LRIG2: variants seen among roughly 807,000 people sequenced by gnomAD.
LRIG2 encodes leucine-rich repeats and immunoglobulin-like domains protein 2.
LRIG2 carries 93 observed loss-of-function variants against 107.8 expected under a neutral mutation model. The ratio of observed to expected loss-of-function variants is 0.86; its 90% confidence interval spans 0.73 to 1.03. LRIG2 has a LOEUF of 1.03. LRIG2 is among the 50% of genes least tolerant of loss of function. The pLI, the probability that LRIG2 is intolerant of heterozygous loss-of-function variation, is 0.00. For missense variants in LRIG2, 1,226 were observed against 1,296.0 expected, an observed-to-expected ratio of 0.95 and a Z score of 0.83; for synonymous variants, 471 against 470.6, an observed-to-expected ratio of 1.00 and a Z score of -0.01.
At chr1:113,100,348 G>A in intron 10 of LRIG2, 66 bp downstream of exon 10, 1 of 1,455,114 alleles carries the variant, frequency 6.9e-7, no homozygotes, top group Non-Finnish European at 9.6e-7. Flanking sequence ...AGGTTTTCAT[G>A]ACCATGTAAA....
rs143320455 is a variant in LRIG2 at position 113,091,459 on chromosome 1, T to C, written c.305+76T>C. 3.8e-3 allele frequency: 3,471 copies of C among 902,846 alleles called. 87 individuals carry two copies. The highest frequency in any genetic ancestry group is 5.4e-4 in the Non-Finnish European group (318 of 592,630). 55.9% of individuals were successfully genotyped at this position (902,846 alleles called of 1,614,324 possible). On this transcript the variant is annotated intron_variant, in intron 2 of 17. Transcript: ENST00000361127. The stretch of plus-strand genomic sequence containing the variant: ...AATAAATTGTGATTTGTGGGATGTT[T>C]AATCCAGAGATGCCATAAAAAAATT...
At chr1:113,102,111 T>G (rs1654330998) in intron 11 of LRIG2, among the ~76,000 whole-genome samples, 1 of 152,190 alleles carries the variant, frequency 6.6e-6, no homozygotes, top group South Asian at 2.1e-4. Flanking sequence ...GCAAACCATG[T>G]GAACACTGGG....
chr1:113,085,976 A>G (rs552930313), intron 1 of LRIG2, among the ~76,000 whole-genome samples: 3 of 148,518 alleles, frequency 2.0e-5, no homozygotes, highest in Non-Finnish European at 4.5e-5. Context: ...CAATATGGTA[A>G]TTGATTATAA....
At chr1:113,075,597 A>C (rs1036512377) in intron 1 of LRIG2, among the ~76,000 whole-genome samples, 2 of 151,858 alleles carry the variant, frequency 1.3e-5, no homozygotes, top group African/African-American at 4.8e-5. Context: ...TTTCTAAGAC[A>C]TTCTTGGAAG....
Position 113,119,273 on chromosome 1 carries a change from C to CA in LRIG2, c.2723dup (p.Asn908LysfsTer19). 18 of 1,614,064 alleles carry CA rather than the reference C, an allele frequency of 1.1e-5. No individual in the cohort carries two copies. The highest frequency in any genetic ancestry group is 1.5e-5 in the Non-Finnish European group (18 of 1,179,978). On this transcript the variant is annotated frameshift_variant, in exon 17 of 18. Coordinates refer to ENST00000361127, the MANE Select transcript of LRIG2 (RefSeq NM_014813.3). LOFTEE classifies it high-confidence loss of function. ...GGGTGATTTGCTCAGATTGTTATGA[C>CA]AATGCCAACATCTACTCCAGGACCC... is the stretch of plus-strand genomic sequence containing the variant.
In LRIG2 at chr1:113,114,801, G is replaced by C. The variant is rs754243468; in HGVS notation, c.2455G>C (p.Gly819Arg). Residue 819 changes from glycine to arginine, a missense_variant, in exon 15 of 18, where the codon GGC (glycine) becomes CGC (arginine). This residue lies in a region of LRIG2 where 642 missense variants were observed against 712.2 expected (regional missense o/e 0.90). Coordinates refer to ENST00000361127, the MANE Select transcript of LRIG2 (RefSeq NM_014813.3). ...CATTGTTGTGGTCTGCTGTGTTGTT[G>C]GCACTTCTTTGATCTGGGTCATTGT... ...VIIVVVCCVV[G>R]TSLIWVIVIY... 12 of 1,614,062 alleles carry C rather than the reference G, an allele frequency of 7.4e-6. No homozygotes were observed. In the Admixed American group the frequency reaches 1.5e-4, roughly 20 times the overall value.
rs770298704 is a variant in LRIG2, at chr1:113,096,248, G to A, written c.974G>A (p.Arg325His). 1.4e-5 allele frequency: 23 copies of A among 1,613,944 alleles called. No homozygotes were observed. Among genetic ancestry groups the A allele is most frequent in the Admixed American group, 3.3e-5 (2 of 59,978 alleles). The change falls in exon 8 of 18, where the codon CGC becomes CAC. Residue 325 changes from arginine (R) to histidine (H), a missense_variant. Transcript: ENST00000361127. The part of the protein sequence containing the change: ...ELDLSYNQLT[R>H]LDESAFVGLS... Reference sequence around the variant, plus strand: ...GATTTGTCCTATAACCAGCTGACCCGCCTGGATGAATCTGCCTTTGTGGGT... The same window carrying A: ...GATTTGTCCTATAACCAGCTGACCCACCTGGATGAATCTGCCTTTGTGGGT...
intron 10 of LRIG2, 58 bp downstream of exon 10, chr1:113,100,340 G>A: frequency 6.8e-7 from 1 of 1,462,052 alleles, no homozygotes; most frequent in Non-Finnish European, 9.5e-7. Flanking sequence ...ATTAGCAGAG[G>A]TTTTCATGAC....
At position 113,119,248 on chromosome 1, in the gene LRIG2, G is replaced by A. The variant is rs780877821; in HGVS notation, c.2696G>A (p.Arg899Gln). The A allele has an allele frequency of 2.5e-5, 40 of 1,609,864 alleles. No individual in the cohort carries two copies. In the East Asian group the frequency reaches 3.4e-4, roughly 13 times the overall value. Residue 899 changes from arginine to glutamine, a missense_variant, in exon 17 of 18, where the codon CGG becomes CAG. Physicochemically the swap from Arg to Gln is conservative, Grantham distance 43. Transcript: ENST00000361127. Reference protein sequence around the residue: ...HKGTDGGTGTRVICSDCYDNA... With the variant: ...HKGTDGGTGTQVICSDCYDNA... ...TTGTTATTAGGTGGCACTGGTACCC[G>A]GGTGATTTGCTCAGATTGTTATGAC...
intron 14 of LRIG2, among the ~76,000 whole-genome samples, chr1:113,113,720 G>A (rs1053267989): frequency 4.0e-5 from 6 of 151,786 alleles, no homozygotes; most frequent in Non-Finnish European, 5.9e-5. Context: ...GTACCACTGC[G>A]CCCAGCTAAT....
intron 1 of LRIG2, among the ~76,000 whole-genome samples, chr1:113,080,448 C>G (rs1427934370): frequency 6.6e-6 from 1 of 151,056 alleles, no homozygotes; most frequent in East Asian, 2.0e-4. Context: ...GGCGCAATCT[C>G]GGCTCACTGC....
intron 1 of LRIG2, among the ~76,000 whole-genome samples, chr1:113,086,856 A>G (rs1330482089): frequency 1.3e-5 from 2 of 152,220 alleles, no homozygotes; most frequent in Non-Finnish European, 2.9e-5. Context: ...CATCATATCT[A>G]TAAATATTCA....
Position 113,129,323 on chromosome 1 carries a change from A to AAAAC in LRIG2, c.*5225_*5226insCAAA, listed in dbSNP as rs1655613476. The stretch of plus-strand genomic sequence containing the variant: ...AGACTCCGTCTCAAAAAAAAAAAAA[A>AAAAC]AAAAACCCGTGTAGGAGTACTGCCT... On this transcript the variant is annotated 3_prime_UTR_variant, in exon 18 of 18. Transcript: ENST00000361127. 3 of 151,378 alleles carry AAAAC rather than the reference A, an allele frequency of 2.0e-5. No homozygotes were observed. Among genetic ancestry groups the AAAAC allele is most frequent in the South Asian group, 2.1e-4 (1 of 4,772 alleles). 9.4% of individuals were successfully genotyped at this position (151,378 alleles called of 1,614,324 possible). A position where few individuals can be genotyped will look rare whatever the true frequency, so the allele number is the denominator to read the frequency against.
intron 1 of LRIG2, among the ~76,000 whole-genome samples, chr1:113,074,032 G>T (rs761714129): frequency 1.8e-4 from 28 of 151,998 alleles, no homozygotes; most frequent in Non-Finnish European, 3.1e-4. Flanking sequence ...ATCTTGAGCT[G>T]CATGATTTGG....
At chr1:113,076,813 T>C (rs17030973) in intron 1 of LRIG2, among the ~76,000 whole-genome samples, 4,387 of 152,288 alleles carry the variant, frequency 0.029, 212 homozygotes, top group African/African-American at 0.1. Flanking sequence ...CTTCTCTGTA[T>C]GAGAAACTCT....
chr1:113,087,259 T>C (rs1653598390), intron 1 of LRIG2, among the ~76,000 whole-genome samples: 1 of 152,236 alleles, frequency 6.6e-6, no homozygotes, highest in South Asian at 2.1e-4. Flanking sequence ...GGAAGAACAG[T>C]GAGAGACTTC....
rs1252841927 is a variant in LRIG2 at position 113,128,682 on chromosome 1, A to C, written c.*4581A>C. The C allele has an allele frequency of 3.3e-5, 5 of 152,192 alleles. No individual in the cohort carries two copies. The highest frequency in any genetic ancestry group is 1.2e-4 in the African/African-American group (5 of 41,446). The allele number at this position is 152,192 out of a possible 1,614,324, so 9.4% of individuals were successfully genotyped here. A position where few individuals can be genotyped will look rare whatever the true frequency, so the allele number is the denominator to read the frequency against. Reference sequence around the variant, plus strand: ...CTAAGAAATACTCATTAGGAGAAAAAAATTCTGCTTCTAAACAGTATTAGT... The same window carrying C: ...CTAAGAAATACTCATTAGGAGAAAACAATTCTGCTTCTAAACAGTATTAGT... On this transcript the variant is annotated 3_prime_UTR_variant, in exon 18 of 18. Transcript: ENST00000361127.
chr1:113,112,709 G>C lies in LRIG2; in HGVS notation c.2029G>C (p.Ala677Pro), dbSNP rs966826954. The stretch of plus-strand genomic sequence containing the variant: ...AGATATGGGAATCTATAGCTGCATG[G>C]CACAAAATACAGCAGGAGGTCTCTC... ...IEDMGIYSCM[A>P]QNTAGGLSAN... Residue 677 changes from alanine to proline, a missense_variant, in exon 14 of 18, where the codon GCA becomes CCA. Ala to Pro is a conservative substitution (Grantham distance 27). Transcript: ENST00000361127. 1 of 1,611,404 alleles carries C rather than the reference G, an allele frequency of 6.2e-7. No individual in the cohort carries two copies. The highest frequency in any genetic ancestry group is 1.3e-5 in the African/African-American group (1 of 74,998).
At chr1:113,074,155 A>C (rs1402453302) in intron 1 of LRIG2, among the ~76,000 whole-genome samples, 2 of 152,180 alleles carry the variant, frequency 1.3e-5, no homozygotes, top group Non-Finnish European at 2.9e-5. Context: ...TTTGTGCTGC[A>C]GTTTTGATAC....
Sources: gnomAD v4.1 joint callset for allele counts (sites outside exome capture counted in the v4.1 genomes callset) on GRCh38, gnomAD v4.1.1 for gene constraint, gnomAD v4.1.1 regional missense constraint, MANE v1.5 for transcripts, NCBI Gene and HGNC (gene_info 2026-07-23, HGNC 2026-07-21) for gene names.